SLC25A48: variants seen among roughly 807,000 people sequenced by gnomAD.
The protein encoded by SLC25A48 is solute carrier family 25 member 48, also known as CTC-321K16.1.
Under a neutral mutation model 32.2 loss-of-function variants are expected in SLC25A48, and 29 were observed. The observed-to-expected ratio is 0.90, with a 90% confidence interval of 0.67 to 1.23. The LOEUF is 1.23. SLC25A48 is among the 50% of genes most tolerant of loss of function. SLC25A48 has a pLI of 0.00. For missense variants in SLC25A48, 399 were observed against 422.7 expected (o/e 0.94, Z 0.49); for synonymous variants, 164 against 172.3 (o/e 0.95, Z 0.38).
At chr5:135,662,702 C>CCT (rs1561780411) in intron 3 of SLC25A48, among the ~76,000 whole-genome samples, 1 of 151,604 alleles carries the variant, frequency 6.6e-6, no homozygotes. Flanking sequence ...CTGCCTCTCC[C>CCT]CCTCAGGTCC....
chr5:135,583,993 G>T (rs1751298228), intron 1 of SLC25A48, among the ~76,000 whole-genome samples: 1 of 152,212 alleles, frequency 6.6e-6, no homozygotes, highest in Non-Finnish European at 1.5e-5. Context: ...CTCTGGTTTT[G>T]TTCTTCACAC....
At chr5:135,622,301 G>T (rs1177846160) in intron 1 of SLC25A48, among the ~76,000 whole-genome samples, 1 of 152,170 alleles carries the variant, frequency 6.6e-6, no homozygotes, top group Non-Finnish European at 1.5e-5. Flanking sequence ...TTATGGACCA[G>T]TCCATTCATC....
At chr5:135,613,562 C>G (rs1752121269) in intron 1 of SLC25A48, among the ~76,000 whole-genome samples, 1 of 152,098 alleles carries the variant, frequency 6.6e-6, no homozygotes, top group South Asian at 2.1e-4. Context: ...AGTTTCAGGT[C>G]TATATTTAAG....
At chr5:135,880,954 C>A (rs1171786935) in intron 7 of SLC25A48, among the ~76,000 whole-genome samples, 2 of 151,982 alleles carry the variant, frequency 1.3e-5, no homozygotes, top group African/African-American at 4.8e-5. Flanking sequence ...CCCACCCACA[C>A]TGCATCCTAA....
At chr5:135,713,977 C>G (rs944787294) in intron 3 of SLC25A48, among the ~76,000 whole-genome samples, 24 of 152,356 alleles carry the variant, frequency 1.6e-4, no homozygotes, top group African/African-American at 5.8e-4. Flanking sequence ...TGAAAGGAAG[C>G]AGCCCCAAAG....
At chr5:135,828,824 TG>T (rs1363619724) in intron 4 of SLC25A48, among the ~76,000 whole-genome samples, 2 of 152,218 alleles carry the variant, frequency 1.3e-5, no homozygotes, top group Non-Finnish European at 2.9e-5. Context: ...GCCTTCCAGC[TG>T]CCCCTCCTAC....
chr5:135,839,734 G>A (rs1355279868), intron 1 of SLC25A48, among the ~76,000 whole-genome samples: 2 of 152,162 alleles, frequency 1.3e-5, no homozygotes, highest in Non-Finnish European at 2.9e-5. Flanking sequence ...TGTCATGGGA[G>A]AGACCCATGT....
intron 4 of SLC25A48, among the ~76,000 whole-genome samples, chr5:135,824,215 G>A (rs1032431518): frequency 6.6e-6 from 1 of 152,152 alleles, no homozygotes; most frequent in African/African-American, 2.4e-5. Context: ...ATGGCAAGAA[G>A]CCCTGAGTGC....
At chr5:135,731,071 T>G (rs896406319) in intron 3 of SLC25A48, among the ~76,000 whole-genome samples, 4 of 152,082 alleles carry the variant, frequency 2.6e-5, no homozygotes, top group African/African-American at 9.7e-5. Context: ...TTCACCTGGG[T>G]GCAGGTGGGC....
chr5:135,671,292 A>C (rs1753647425), intron 3 of SLC25A48, among the ~76,000 whole-genome samples: 1 of 152,228 alleles, frequency 6.6e-6, no homozygotes, highest in Non-Finnish European at 1.5e-5. Context: ...GCTGGTGGAC[A>C]CTGTGCTAGC....
At chr5:135,691,024 G>C (rs971566700) in intron 3 of SLC25A48, among the ~76,000 whole-genome samples, 1 of 151,738 alleles carries the variant, frequency 6.6e-6, no homozygotes, top group Non-Finnish European at 1.5e-5. Context: ...CTGACTTGTC[G>C]TTTAAGAAAA....
At chr5:135,667,827 T>C (rs1561782569) in intron 3 of SLC25A48, among the ~76,000 whole-genome samples, 1 of 152,236 alleles carries the variant, frequency 6.6e-6, no homozygotes, top group Non-Finnish European at 1.5e-5. Flanking sequence ...TTCTTTCAAA[T>C]AGTAATGTTT....
Position 135,850,447 on chromosome 5 carries a change from G to A in SLC25A48, c.113G>A (p.Gly38Asp). The A allele has an allele frequency of 6.2e-7, 1 of 1,614,166 alleles. No homozygotes were observed. Among genetic ancestry groups the A allele is most frequent in the South Asian group, 1.1e-5 (1 of 91,084 alleles). ...TAGACTCGCCTGCAGGCTGGCGTTGGCTACGGAAACACCCTCAGCTGCATC... is the reference window on the plus strand; with the variant it reads ...TAGACTCGCCTGCAGGCTGGCGTTGACTACGGAAACACCCTCAGCTGCATC... ...TVKTRLQAGV[G>D]YGNTLSCIRV... Residue 38 changes from glycine to aspartate, a missense_variant, in exon 3 of 8, where the codon GGC becomes GAC. Transcript: ENST00000681962.
At chr5:135,626,275 T>G (rs1752439060) in intron 1 of SLC25A48, among the ~76,000 whole-genome samples, 1 of 152,242 alleles carries the variant, frequency 6.6e-6, no homozygotes, top group East Asian at 1.9e-4. Context: ...TAAACAATGT[T>G]TTTCCACACC....
intron 4 of SLC25A48, among the ~76,000 whole-genome samples, chr5:135,864,764 A>G (rs985687873): frequency 2.0e-5 from 3 of 152,248 alleles, no homozygotes; most frequent in Non-Finnish European, 4.4e-5. Flanking sequence ...ATGATAGTGC[A>G]TATTACACCA....
In SLC25A48 at chr5:135,864,770, C is replaced by A. The variant is rs937602158; in HGVS notation, c.422-6691C>A. Among the ~76,000 whole-genome samples the A allele has an allele frequency of 2.0e-5, 3 of 152,246 alleles. No homozygotes were observed. In the East Asian group the frequency reaches 5.8e-4, roughly 29 times the overall value. On this transcript the variant is annotated intron_variant, in intron 4 of 7. Transcript: ENST00000681962. ...CAGACATTAATGATAGTGCATATTACACCATTGTACAAATTACGTACATTG... is the reference window on the plus strand; with the variant it reads ...CAGACATTAATGATAGTGCATATTAAACCATTGTACAAATTACGTACATTG...
chr5:135,749,270 T>C (rs540357053), intron 3 of SLC25A48, among the ~76,000 whole-genome samples: 1 of 151,288 alleles, frequency 6.6e-6, no homozygotes, highest in African/African-American at 2.4e-5. Context: ...ATTAAAATGA[T>C]CAAGTGTTCC....
intron 3 of SLC25A48, among the ~76,000 whole-genome samples, chr5:135,669,165 G>A (rs558928129): frequency 1.3e-5 from 2 of 152,278 alleles, no homozygotes; most frequent in East Asian, 3.9e-4. Context: ...GCCAGTTGAT[G>A]TGCCTAGGAT....
At chr5:135,588,716 A>G in intron 1 of SLC25A48, among the ~76,000 whole-genome samples, 1 of 152,006 alleles carries the variant, frequency 6.6e-6, no homozygotes, top group East Asian at 1.9e-4. Context: ...GGGACAGGGC[A>G]GCTGAGGTCC....
Sources: gnomAD v4.1 joint callset for allele counts (sites outside exome capture counted in the v4.1 genomes callset) on GRCh38, gnomAD v4.1.1 for gene constraint, MANE v1.5 for transcripts, NCBI Gene and HGNC (gene_info 2026-07-23, HGNC 2026-07-21) for gene names.